The following RDX variants were observed in gnomAD, a reference collection of about 807,000 sequenced individuals.
The protein encoded by RDX is deafness, autosomal recessive 24.
RDX carries 32 observed loss-of-function variants against 83.7 expected under a neutral mutation model. The ratio of observed to expected loss-of-function variants is 0.38; its 90% CI spans 0.29 to 0.51. The LOEUF is 0.51. Among genes scored for constraint, RDX ranks in the 20% least tolerant of loss-of-function variants. The probability of loss-of-function intolerance (pLI) is 0.87; values close to 1 mark genes in which losing one functional copy is unlikely to be tolerated. For synonymous variants in RDX, 229 were observed against 222.7 expected, an observed-to-expected ratio of 1.03 and a Z score of -0.25; for missense variants, 600 against 689.9, an observed-to-expected ratio of 0.87 and a Z score of 1.46.
intron 3 of RDX, among the ~76,000 whole-genome samples, chr11:110,267,726 G>C (rs1436671305): frequency 1.3e-5 from 2 of 151,916 alleles, no homozygotes; most frequent in Non-Finnish European, 2.9e-5. Context: ...CACTTTAGGA[G>C]GCCAAGGCAG....
intron 11 of RDX, 104 bp from the exon 12 acceptor site, chr11:110,236,295 T>C (rs975923092): frequency 2.5e-6 from 2 of 809,338 alleles, no homozygotes; most frequent in Admixed American, 2.3e-5. Context: ...ATGTTTTTCT[T>C]AGCCTTCCAT....
rs1374314935 is a variant in RDX at position 110,263,127 on chromosome 11, T to C, written c.467+833A>G. Among the ~76,000 whole-genome samples, 3 of 151,812 alleles carry C rather than the reference T, an allele frequency of 2.0e-5. No individual in the cohort carries two copies. The East Asian group carries it at 5.8e-4, about 29-fold the overall frequency. ...CTGTCTCTGCTAAAAATACAAAAAT[T>C]AGCTGGGCATGGCGGCAGATGCCTG... On this transcript the variant is annotated intron_variant, in intron 5 of 13. Transcript: ENST00000645495.
chr11:110,247,716 A>T lies in RDX; in HGVS notation c.1077T>A (p.Ile359=). Residue 359 remains isoleucine (I), a synonymous_variant, in exon 10 of 14, where the codon ATT becomes ATA. Transcript: ENST00000645495. ...AGAAACTTTTACCTTTCTGAGCTTT[A>T]ATTGTCTGCTCTTCAATTTGTTTTA... ...ERLKQIEEQT[I]KAQKELEEQT... 6.2e-7 allele frequency: 1 copy of T among 1,612,216 alleles called. No homozygotes were observed. Among genetic ancestry groups the T allele is most frequent in the Non-Finnish European group, 8.5e-7 (1 of 1,179,552 alleles).
chr11:110,179,896 CTTTTTTCT>C, intron 15 of RDX: 2 of 372,948 alleles, frequency 5.4e-6, no homozygotes, highest in African/African-American at 3.2e-5. Context: ...TTTTCTTTTT[CTTTTTTCT>C]TTTTTTTTTT....
downstream of RDX, among the ~76,000 whole-genome samples, chr11:110,226,262 A>G (rs1012324047): frequency 3.3e-5 from 5 of 152,204 alleles, no homozygotes; most frequent in Non-Finnish European, 1.5e-5. Context: ...TGGATAAAAT[A>G]TGGTATATGC....
chr11:110,257,744 C>T (rs768598637), intron 7 of RDX, 23 bp downstream of exon 7: 1 of 1,610,274 alleles, frequency 6.2e-7, no homozygotes, highest in Non-Finnish European at 8.5e-7. Flanking sequence ...ATGACTAGTT[C>T]ACTATGCAAC....
intron 10 of RDX, among the ~76,000 whole-genome samples, chr11:110,238,677 A>G (rs1864957839): frequency 6.6e-6 from 1 of 152,132 alleles, no homozygotes; most frequent in African/African-American, 2.4e-5. Context: ...TAATCCCAGC[A>G]CTTTGGGTGA....
At chr11:110,216,933 A>G (rs1010075850) in intron 14 of RDX, among the ~76,000 whole-genome samples, 2 of 152,218 alleles carry the variant, frequency 1.3e-5, no homozygotes, top group Admixed American at 1.3e-4. Flanking sequence ...GGAAGATCAC[A>G]AGGTATAGCA....
chr11:110,217,436 ACATATTTGGATGAATAAATGGAAGG>A (rs913556116), intron 14 of RDX, among the ~76,000 whole-genome samples: 2 of 152,212 alleles, frequency 1.3e-5, no homozygotes, highest in African/African-American at 2.4e-5. Flanking sequence ...TCAAGCGCTA[ACATATTTGGATGAATAAATGGAAGG>A]ACTCCTCCCA....
In RDX at chr11:110,182,172, A is replaced by G. The variant is rs141696729; in HGVS notation, c.*32-6938T>C. 1.6e-3 allele frequency among the ~76,000 whole-genome samples: 241 copies of G among 152,342 alleles called. 1 individual carries two copies. The highest frequency in any genetic ancestry group is 5.4e-3 in the African/African-American group (226 of 41,588). ...GCGAGTGAGGACTACTGAGCTCCAC[A>G]GATTCCTTGCCGCAGTGCTGGGTGC... On this transcript the variant is annotated intron_variant, in intron 15 of 15. Coordinates refer to the RDX transcript ENST00000528498.
chr11:110,197,192 G>A lies in RDX; in HGVS notation c.*31+2389C>T, dbSNP rs759844136. 2.0e-5 allele frequency among the ~76,000 whole-genome samples: 3 copies of A among 152,260 alleles called. 1 individual carries two copies. The South Asian group carries it at 6.2e-4, about 32-fold the overall frequency. ...TGGGATTACAGGCACGAGCCATAGC[G>A]CCTGGCCTGTGCATGGCTTTAGATG... On this transcript the variant is annotated intron_variant, in intron 15 of 15. Transcript: ENST00000528498.
chr11:110,233,355 T>C lies in RDX; in HGVS notation c.1469A>G (p.Asp490Gly), dbSNP rs961196966. ...AGCACTAGCTTCAGCATTATTCTCA[T>C]CGTGTTCATCATGTTCGTTTTCTGT... ...PPTENEHDEHDENNAEASAEL... is the reference protein window; with the variant it reads ...PPTENEHDEHGENNAEASAEL... The change falls in exon 13 of 14, where the codon GAT (aspartate) becomes GGT (glycine). Residue 490 changes from aspartate (D) to glycine (G), a missense_variant. By Grantham distance (94) the Asp-to-Gly change is moderately conservative. Coordinates refer to ENST00000645495, the MANE Select transcript of RDX (RefSeq NM_002906.4). 4 of 1,614,192 alleles carry C rather than the reference T, an allele frequency of 2.5e-6. No individual in the cohort carries two copies. The highest frequency in any genetic ancestry group is 1.3e-5 in the African/African-American group (1 of 75,056).
intron 15 of RDX, among the ~76,000 whole-genome samples, chr11:110,196,783 C>G (rs7931348): frequency 0.46 from 70,061 of 151,964 alleles, 16,636 homozygotes; most frequent in East Asian, 0.6. Flanking sequence ...AGGCCCATGA[C>G]TCTAAATACA....
Position 110,277,566 on chromosome 11 carries a change from C to T in RDX, c.12+2115G>A, listed in dbSNP as rs548934531. Among the ~76,000 whole-genome samples the T allele has an allele frequency of 1.4e-3, 210 of 152,064 alleles. 1 individual carries two copies. Among genetic ancestry groups the T allele is most frequent in the African/African-American group, 4.7e-3 (194 of 41,498 alleles). ...AACTCCTGACTTCAAGTGATACTCC[C>T]GCCTCAGTCTCCCAAAGTACTGGGA... On this transcript the variant is annotated intron_variant, in intron 2 of 13. Coordinates refer to ENST00000645495, the MANE Select transcript of RDX (RefSeq NM_002906.4).
intron 15 of RDX, among the ~76,000 whole-genome samples, chr11:110,177,639 TTTTGTGTGTATG>T (rs1447916670): frequency 6.6e-6 from 1 of 152,154 alleles, no homozygotes; most frequent in Admixed American, 6.5e-5. Flanking sequence ...CTGGGAGCTC[TTTTGTGTGTATG>T]TGTGTGTGTT....
chr11:110,269,853 C>T (rs948951987), intron 3 of RDX, among the ~76,000 whole-genome samples: 2 of 151,928 alleles, frequency 1.3e-5, no homozygotes, highest in African/African-American at 2.4e-5. Context: ...GCCTGGGAAA[C>T]ATGACGAAAC....
chr11:110,253,883 CA>C, intron 9 of RDX, 62 bp downstream of exon 9: 1 of 1,393,678 alleles, frequency 7.2e-7, no homozygotes, highest in Middle Eastern at 1.8e-4. Flanking sequence ...AAAAACTGAG[CA>C]GTCTTAAATT....
At chr11:110,206,987 T>A (rs530773794) in intron 14 of RDX, among the ~76,000 whole-genome samples, 11 of 152,204 alleles carry the variant, frequency 7.2e-5, no homozygotes, top group Admixed American at 2.0e-4. Flanking sequence ...ATTTTATTTT[T>A]TTTGTGGCAT....
At chr11:110,288,324 G>T (rs1405044443) in intron 1 of RDX, 1 of 152,178 alleles carries the variant, frequency 6.6e-6, no homozygotes, top group Non-Finnish European at 1.5e-5. Flanking sequence ...AATCATACCT[G>T]TATTGTTCCT....
Sources: gnomAD v4.1 joint callset for allele counts (sites outside exome capture counted in the v4.1 genomes callset) on GRCh38, gnomAD v4.1.1 for gene constraint, MANE v1.5 for transcripts, NCBI Gene and HGNC (gene_info 2026-07-23, HGNC 2026-07-21) for gene names.